ASB10: variants seen among roughly 807,000 people sequenced by gnomAD.
ASB10 encodes ankyrin repeat and SOCS box protein 10.
A neutral mutation model predicts 35.4 loss-of-function variants in ASB10; 44 were observed. The observed-to-expected ratio is 1.24, with a 90% confidence interval of 0.98 to 1.60. The LOEUF (loss-of-function observed/expected upper bound fraction) is 1.60, where lower values mean the gene tolerates loss of function less well. Among genes scored for constraint, ASB10 ranks in the 40% most tolerant of loss-of-function variants. ASB10 has a pLI of 0.00. For synonymous variants in ASB10, 294 were observed against 280.4 expected (o/e 1.05, Z -0.49); for missense variants, 647 against 634.3 (o/e 1.02, Z -0.22).
chr7:151,186,083 C>CA (rs905822508), intron 2 of ASB10, among the ~76,000 whole-genome samples: 29 of 152,206 alleles, frequency 1.9e-4, no homozygotes, highest in African/African-American at 7.0e-4. Context: ...AAAGTGTTTT[C>CA]AAAAATTTTA....
chr7:151,184,955 G>C (rs1801560494), intron 2 of ASB10, among the ~76,000 whole-genome samples: 1 of 151,882 alleles, frequency 6.6e-6, no homozygotes. Context: ...CCGGGAGGCG[G>C]AGCTTGCAGT....
intron 4 of ASB10, 23 bp from the exon 5 acceptor site, chr7:151,176,320 A>G: frequency 6.6e-7 from 1 of 1,526,262 alleles, no homozygotes; most frequent in Non-Finnish European, 8.8e-7. Flanking sequence ...CAAGGGGCTC[A>G]GTGAGAGGCA....
chr7:151,185,831 G>C, intron 2 of ASB10, among the ~76,000 whole-genome samples: 1 of 152,162 alleles, frequency 6.6e-6, no homozygotes, highest in East Asian at 1.9e-4. Flanking sequence ...CAGTTTCTTG[G>C]GAGTTTAGTT....
rs532441181 is a variant in ASB10 at position 151,176,696 on chromosome 7, G to T, written c.1105-20C>A. On this transcript the variant is annotated intron_variant, in intron 3 of 5. Coordinates refer to ENST00000420175, the MANE Select transcript of ASB10 (RefSeq NM_001142459.2). The stretch of plus-strand genomic sequence containing the variant: ...CAGCACCTGTGGGAGGCAGAGGCAT[G>T]TTGGGTCCTCAGTCAGTCCACACAG... 14 of 1,514,402 alleles carry T rather than the reference G, an allele frequency of 9.2e-6. No homozygotes were observed. In the Admixed American group the frequency reaches 9.8e-5, roughly 11 times the overall value. 93.8% of individuals were successfully genotyped at this position (1,514,402 alleles called of 1,614,324 possible).
upstream of ASB10, chr7:151,187,785 G>A (rs1801631393): frequency 1.4e-6 from 2 of 1,442,634 alleles, no homozygotes; most frequent in Non-Finnish European, 1.8e-6. This position sits in a 1 kb window ranked among gnomAD's most constrained non-coding sequence, Gnocchi z 5.3. Context: ...GACTGGGCAG[G>A]TGGGTGCTGG....
At chr7:151,187,393 TGTG>T, upstream of ASB10, 3 of 1,549,648 alleles carry the variant, frequency 1.9e-6, no homozygotes, top group Non-Finnish European at 2.6e-6. This position sits in a 1 kb window ranked among gnomAD's most constrained non-coding sequence, Gnocchi z 5.3. Context: ...TTAGGACCTC[TGTG>T]GCCGAGGCAG....
chr7:151,186,818 G>C lies in ASB10; in HGVS notation c.313C>G (p.Leu105Val), dbSNP rs767274226. The C allele has an allele frequency of 3.1e-6, 5 of 1,593,490 alleles. No homozygotes were observed. Among genetic ancestry groups the C allele is most frequent in the Non-Finnish European group, 3.4e-6 (4 of 1,167,154 alleles). ...WRDFRFNIRA[L>V]RLWSLTYEEE... ...CCCCCAGTGCCCCGGCCCGTACTCAGAGCACGGATGTTGAAGCGGAAATCC... is the reference window on the plus strand; with the variant it reads ...CCCCCAGTGCCCCGGCCCGTACTCACAGCACGGATGTTGAAGCGGAAATCC... Residue 105 changes from leucine (L) to valine (V), a missense_variant, in exon 1 of 6, where the codon CTG becomes GTG. Physicochemically the swap from Leu to Val is conservative, Grantham distance 32. Coordinates refer to ENST00000420175, the MANE Select transcript of ASB10 (RefSeq NM_001142459.2).
upstream of ASB10, chr7:151,187,482 C>A: frequency 1.9e-6 from 3 of 1,551,306 alleles, no homozygotes; most frequent in South Asian, 1.2e-5. The surrounding 1 kb of genome is among the most constrained non-coding windows in gnomAD (Gnocchi z 5.3). Context: ...CGAGGCTCTG[C>A]GGCCCGGCTC....
chr7:151,183,176 G>A lies in ASB10; in HGVS notation c.585-1718C>T, dbSNP rs142825109. On this transcript the variant is annotated intron_variant, in intron 2 of 5. Transcript: ENST00000420175. ...CTTCTTCAGAAACAGAGCTGGCTAG[G>A]TGCAGTGGAGAATCACTTTAGCCCA... 2.4e-3 allele frequency among the ~76,000 whole-genome samples: 363 copies of A among 152,284 alleles called. 1 individual carries two copies. Among genetic ancestry groups the A allele is most frequent in the African/African-American group, 8.3e-3 (344 of 41,560 alleles).
Position 151,176,317 on chromosome 7 carries a change from C to G in ASB10, c.1219-20G>C. 6.5e-7 allele frequency: 1 copy of G among 1,528,416 alleles called. No homozygotes were observed. The highest frequency in any genetic ancestry group is 8.8e-7 in the Non-Finnish European group (1 of 1,137,942). The allele number at this position is 1,528,416 out of a possible 1,614,324, so 94.7% of individuals were successfully genotyped here. The stretch of plus-strand genomic sequence containing the variant: ...ATGTTTCTGGGGGCAGAACAAGGGG[C>G]TCAGTGAGAGGCAGCCTCAGACAGG... On this transcript the variant is annotated intron_variant, in intron 4 of 5. Transcript: ENST00000420175.
chr7:151,186,725 A>G, intron 1 of ASB10, 66 bp from the exon 2 acceptor site: 2 of 1,545,122 alleles, frequency 1.3e-6, no homozygotes, highest in South Asian at 1.2e-5. Flanking sequence ...CAATGGGGTG[A>G]GGTGGGCAGA....
chr7:151,187,248 G>T lies in ASB10; in HGVS notation c.-118C>A. On this transcript the variant is annotated 5_prime_UTR_variant, in exon 1 of 6. Coordinates refer to ENST00000420175, the MANE Select transcript of ASB10 (RefSeq NM_001142459.2). The surrounding 1 kb of genome is among the most constrained non-coding windows in gnomAD (Gnocchi z 5.3). ...AGGCCCCTGTGTCCCACGCTCCGAG[G>T]CTGACCTGGCCACGCATCCAGCAGG... The T allele has an allele frequency of 6.6e-7, 1 of 1,522,186 alleles. No homozygotes were observed. The highest frequency in any genetic ancestry group is 2.5e-5 in the East Asian group (1 of 40,624). 94.3% of individuals were successfully genotyped at this position (1,522,186 alleles called of 1,614,324 possible). A position where few individuals can be genotyped will look rare whatever the true frequency, so the allele number is the denominator to read the frequency against.
intron 2 of ASB10, among the ~76,000 whole-genome samples, chr7:151,184,871 A>C (rs1801558473): frequency 6.6e-6 from 1 of 151,664 alleles, no homozygotes; most frequent in South Asian, 2.1e-4. Flanking sequence ...AAATACAAAA[A>C]ATTAGCCAGG....
At chr7:151,179,473 G>T (rs1801448670) in intron 3 of ASB10, among the ~76,000 whole-genome samples, 1 of 152,226 alleles carries the variant, frequency 6.6e-6, no homozygotes, top group African/African-American at 2.4e-5. Context: ...GTTAGGGAGA[G>T]GCTGTATCAC....
At position 151,187,043 on chromosome 7, in the gene ASB10, TCTC is replaced by T; in HGVS notation, c.85_87del (p.Glu29del). On this transcript the variant is annotated inframe_deletion, in exon 1 of 6. Coordinates refer to ENST00000420175, the MANE Select transcript of ASB10 (RefSeq NM_001142459.2). The surrounding 1 kb of genome is among the most constrained non-coding windows in gnomAD (Gnocchi z 5.3). ...TGCTCCTCAGACCCTCTGCTGGGCT[TCTC>T]CACCAGCCTGGCACAGAGGGGGTGT... 6.2e-7 allele frequency: 1 copy of T among 1,610,416 alleles called. No individual in the cohort carries two copies. Among genetic ancestry groups the T allele is most frequent in the Non-Finnish European group, 8.5e-7 (1 of 1,177,952 alleles).
chr7:151,185,972 C>A (rs1328932456), intron 2 of ASB10, among the ~76,000 whole-genome samples: 1 of 152,156 alleles, frequency 6.6e-6, no homozygotes, highest in Non-Finnish European at 1.5e-5. Context: ...TCCTCTACTC[C>A]CTGTCTGGAT....
Position 151,176,322 on chromosome 7 carries a change from T to G in ASB10, c.1219-25A>C, listed in dbSNP as rs781091990. 89 of 1,525,502 alleles carry G rather than the reference T, an allele frequency of 5.8e-5. No individual in the cohort carries two copies. In the East Asian group the frequency reaches 1.8e-3, roughly 32 times the overall value. The allele number at this position is 1,525,502 out of a possible 1,614,324, so 94.5% of individuals were successfully genotyped here. On this transcript the variant is annotated intron_variant, in intron 4 of 5. Coordinates refer to ENST00000420175, the MANE Select transcript of ASB10 (RefSeq NM_001142459.2). ...TCTGGGGGCAGAACAAGGGGCTCAG[T>G]GAGAGGCAGCCTCAGACAGGTAGCA...
chr7:151,180,877 C>T lies in ASB10; in HGVS notation c.1104+62G>A. On this transcript the variant is annotated intron_variant, in intron 3 of 5. Coordinates refer to ENST00000420175, the MANE Select transcript of ASB10 (RefSeq NM_001142459.2). ...CCACATTCCAAAGCAAACCGGAGCA[C>T]AGGCCCAGGTCTCCCTGTCCCCTCA... The T allele has an allele frequency of 4.2e-6, 6 of 1,429,364 alleles. No individual in the cohort carries two copies. In the South Asian group the frequency reaches 6.1e-5, roughly 15 times the overall value. The allele number at this position is 1,429,364 out of a possible 1,614,324, so 88.5% of individuals were successfully genotyped here.
rs104886478 is a variant in ASB10, at chr7:151,181,233, G to A, written c.810C>T (p.Thr270=). The A allele has an allele frequency of 2.1e-4, 334 of 1,613,074 alleles. 1 individual carries two copies. Among genetic ancestry groups the A allele is most frequent in the South Asian group, 3.6e-4 (33 of 91,074 alleles). ...AGCTGCACAGCTGCAGGCAGCGGGC[G>A]GTGGTGGCCTCGGCATCGGTGATGG... is the stretch of plus-strand genomic sequence containing the variant. ...CQSITDAEAT[T]ARCLQLCSLL... The change falls in exon 3 of 6, where the codon ACC becomes ACT. Residue 270 remains threonine (T), a synonymous_variant. Coordinates refer to ENST00000420175, the MANE Select transcript of ASB10 (RefSeq NM_001142459.2).
Sources: gnomAD v4.1 joint callset for allele counts (sites outside exome capture counted in the v4.1 genomes callset) on GRCh38, gnomAD v4.1.1 for gene constraint, Gnocchi (gnomAD v3.1) non-coding constraint, MANE v1.5 for transcripts, NCBI Gene and HGNC (gene_info 2026-07-23, HGNC 2026-07-21) for gene names.